The following ZNF185 variants were observed in gnomAD, a reference collection of about 807,000 sequenced individuals.
ZNF185 encodes the protein zinc finger protein 185 with LIM domain.
Under a neutral mutation model 58.6 loss-of-function variants are expected in ZNF185, and 56 were observed. That is an observed-to-expected ratio of 0.95 (90% CI 0.77 to 1.19). ZNF185 has a LOEUF of 1.19. ZNF185 is among the 50% of genes most tolerant of loss of function. The probability of loss-of-function intolerance (pLI) is 0.00; values close to 1 mark genes in which losing one functional copy is unlikely to be tolerated. For missense variants in ZNF185, 627 were observed against 573.5 expected (o/e 1.09, Z -0.95); for synonymous variants, 230 against 215.9 (o/e 1.07, Z -0.57).
chrX:152,963,870 G>C (rs370310499), exon 18 of ZNF185: 3 of 1,209,896 alleles, frequency 2.5e-6, no homozygotes, highest in Non-Finnish European at 3.4e-6. Flanking sequence ...CATGGTCACT[G>C]TTACTGTCAC....
chrX:152,933,277 G>A (rs1481788534), intron 14 of ZNF185, among the ~76,000 whole-genome samples: 2 of 112,957 alleles, frequency 1.8e-5, no homozygotes, highest in African/African-American at 6.4e-5. Flanking sequence ...TCAAATGAAC[G>A]TGTAGGGAAT....
At chrX:152,931,144 G>C (rs1347121295) in intron 12 of ZNF185, among the ~76,000 whole-genome samples, 1 of 111,939 alleles carries the variant, frequency 8.9e-6, no homozygotes, top group Non-Finnish European at 1.9e-5. Context: ...CTATTGCCAG[G>C]CACAGTGGCT....
chrX:152,967,259 C>T (rs782719844), intron 20 of ZNF185, 21 bp downstream of exon 22: 10 of 1,192,530 alleles, frequency 8.4e-6, no homozygotes, highest in African/African-American at 3.5e-5. Flanking sequence ...TTTCTTAGCA[C>T]GGAGCTTGCA....
intron 9 of ZNF185, among the ~76,000 whole-genome samples, chrX:152,921,730 G>T (rs949545872): frequency 2.0e-4 from 22 of 111,200 alleles, no homozygotes; most frequent in African/African-American, 6.9e-4. Context: ...CCTGGCTTCT[G>T]CTGGTGGTTG....
At chrX:152,939,075 A>AAGAG (rs1569506575) in intron 15 of ZNF185, among the ~76,000 whole-genome samples, 6 of 111,811 alleles carry the variant, frequency 5.4e-5, no homozygotes, top group Non-Finnish European at 1.1e-4. Flanking sequence ...GGCCTTGGTA[A>AAGAG]GCCATGGTTA....
exon 16 of ZNF185, chrX:152,945,323 A>C (rs1556893736): frequency 8.3e-7 from 1 of 1,208,858 alleles, no homozygotes; most frequent in East Asian, 3.0e-5. Flanking sequence ...GAGGCCTGGC[A>C]GGAGAGGCCT....
chrX:152,915,436 G>C (rs1029910142), intron 3 of ZNF185, among the ~76,000 whole-genome samples: 8 of 113,076 alleles, frequency 7.1e-5, no homozygotes, highest in Admixed American at 1.9e-4. Context: ...TGGCCTGGCT[G>C]TGTGGCTGTG....
At chrX:152,899,844 C>G in the ZNF185 span, among the ~76,000 whole-genome samples, 1 of 111,692 alleles carries the variant, frequency 9.0e-6, no homozygotes, top group Admixed American at 9.4e-5. Context: ...TCCTTTGGAG[C>G]TGCTGGAGTC....
exon 23 of ZNF185, chrX:152,971,848 T>C (rs1556919548): frequency 4.4e-5 from 5 of 112,680 alleles, no homozygotes; most frequent in Non-Finnish European, 9.4e-5. Flanking sequence ...CACTCACCTT[T>C]CACTATATTT....
chrX:152,914,747 C>T (rs781820138), exon 2 of ZNF185: 100 of 1,195,198 alleles, frequency 8.4e-5, no homozygotes, highest in African/African-American at 6.6e-4. Flanking sequence ...AGCGCAATAA[C>T]GTTCTCAAGC....
At chrX:152,904,387 G>A in the ZNF185 span, among the ~76,000 whole-genome samples, 4 of 112,716 alleles carry the variant, frequency 3.5e-5, no homozygotes, top group African/African-American at 1.3e-4. Flanking sequence ...GCCTGTGGCG[G>A]TGCCTGCTCC....
At chrX:152,966,238 C>T (rs1462483181) in intron 19 of ZNF185, among the ~76,000 whole-genome samples, 1 of 110,857 alleles carries the variant, frequency 9.0e-6, no homozygotes, top group African/African-American at 3.3e-5. Context: ...AATTCCTGAC[C>T]TCAAGCAATC....
At chrX:152,928,328 A>T (rs1419472665) in intron 11 of ZNF185, among the ~76,000 whole-genome samples, 2 of 110,974 alleles carry the variant, frequency 1.8e-5, no homozygotes, top group Non-Finnish European at 3.8e-5. Flanking sequence ...TTTCATTTCT[A>T]CCCAGAAGGG....
intron 5 of ZNF185, 71 bp from the exon 7 acceptor site, chrX:152,917,994 T>C (rs1310073205): frequency 6.9e-6 from 8 of 1,161,265 alleles, no homozygotes; most frequent in Non-Finnish European, 9.2e-6. Context: ...ATGTGTCCAC[T>C]GGGCTGTGTG....
At chrX:152,964,697 T>A (rs1556913170) in intron 18 of ZNF185, among the ~76,000 whole-genome samples, 1 of 111,164 alleles carries the variant, frequency 9.0e-6, no homozygotes. Flanking sequence ...TCACCTGCAT[T>A]CCTGGCCACC....
chrX:152,927,525 A>G (rs1941095077), intron 11 of ZNF185, among the ~76,000 whole-genome samples: 1 of 107,632 alleles, frequency 9.3e-6, no homozygotes, highest in Admixed American at 1.0e-4. Flanking sequence ...TAAACCCCCC[A>G]CCTCCACTTC....
intron 16 of ZNF185, among the ~76,000 whole-genome samples, chrX:152,948,767 C>A (rs59427287): frequency 0.031 from 3,454 of 112,197 alleles, 134 homozygotes; most frequent in African/African-American, 0.11. Flanking sequence ...CACAGATGGG[C>A]AGGATCAGAA....
intron 15 of ZNF185, among the ~76,000 whole-genome samples, chrX:152,944,823 GA>G (rs371609256): frequency 1.7e-4 from 17 of 101,034 alleles, no homozygotes; most frequent in African/African-American, 2.2e-4. Context: ...TGTCTCTACA[GA>G]AAAAAAAAAA....
At chrX:152,920,948 T>C (rs1939583565) in intron 9 of ZNF185, among the ~76,000 whole-genome samples, 200 bp downstream of exon 10, 1 of 112,573 alleles carries the variant, frequency 8.9e-6, no homozygotes, top group Non-Finnish European at 1.9e-5. Context: ...GTAGCATATG[T>C]GGTCAAGCTC....
Sources: gnomAD v4.1 joint callset for allele counts (sites outside exome capture counted in the v4.1 genomes callset) on GRCh38, gnomAD v4.1.1 for gene constraint, MANE v1.5 for transcripts, NCBI Gene and HGNC (gene_info 2026-07-23, HGNC 2026-07-21) for gene names.